Variants in GRXCR1 observed in about 807,000 individuals in gnomAD.
GRXCR1 encodes the protein glutaredoxin and cysteine rich domain containing 1.
In GRXCR1, 27 loss-of-function variants were observed where a neutral mutation model predicts 27.3. That is an observed-to-expected ratio of 0.99 (90% confidence interval 0.73 to 1.37). GRXCR1 has a LOEUF of 1.37. GRXCR1 is among the 40% of genes most tolerant of loss of function. The probability of loss-of-function intolerance (pLI) is 0.00; values close to 1 mark genes in which losing one functional copy is unlikely to be tolerated. For synonymous variants in GRXCR1, 122 were observed against 131.1 expected, an observed-to-expected ratio of 0.93 and a Z score of 0.47; for missense variants, 379 against 354.4, an observed-to-expected ratio of 1.07 and a Z score of -0.56.
intron 2 of GRXCR1, among the ~76,000 whole-genome samples, chr4:42,998,171 A>C (rs1712236183): frequency 6.6e-6 from 1 of 152,132 alleles, no homozygotes; most frequent in Admixed American, 6.6e-5. Context: ...GATAGAGCAA[A>C]GTTTAAAACA....
rs572889335 is a variant in GRXCR1, at chr4:42,911,520, G to C, written c.384+17870G>C. Among the ~76,000 whole-genome samples, 3 of 152,170 alleles carry C rather than the reference G, an allele frequency of 2.0e-5. No individual in the cohort carries two copies. The South Asian group carries it at 6.2e-4, about 32-fold the overall frequency. ...TGGGTGAACAGGAAAATAAGTAGCAGAAAATATATATTCTCTGATATCAGA... is the reference window on the plus strand; with the variant it reads ...TGGGTGAACAGGAAAATAAGTAGCACAAAATATATATTCTCTGATATCAGA... On this transcript the variant is annotated intron_variant, in intron 1 of 3. Coordinates refer to ENST00000399770, the MANE Select transcript of GRXCR1 (RefSeq NM_001080476.3).
chr4:43,030,481 C>T lies in GRXCR1; in HGVS notation c.814C>T (p.Leu272=). Residue 272 remains leucine, a synonymous_variant, in exon 4 of 4, where the codon CTG becomes TTG. Coordinates refer to ENST00000399770, the MANE Select transcript of GRXCR1 (RefSeq NM_001080476.3). ...CTGCTTCACAGACTCTTTCAAAGCC[C>T]TGAAGTGTACGGCTTGCAATGAAAA... ...RNCFTDSFKA[L]KCTACNENGL... is the part of the protein sequence containing the mutation. 6.2e-7 allele frequency: 1 copy of T among 1,614,078 alleles called. No homozygotes were observed. The highest frequency in any genetic ancestry group is 8.5e-7 in the Non-Finnish European group (1 of 1,179,970).
At chr4:42,975,274 T>C (rs2109781671) in intron 2 of GRXCR1, among the ~76,000 whole-genome samples, 1 of 152,264 alleles carries the variant, frequency 6.6e-6, no homozygotes, top group Non-Finnish European at 1.5e-5. Context: ...ATAGTTTTAA[T>C]ATCTGGCTCT....
rs147267707 is a variant in GRXCR1, at chr4:43,024,541, G to A, written c.693+4122G>A. ...TGAAATAAAAACATCTATTTAAGTA[G>A]GTTTATGGCAGTTCATCCCATCTGG... On this transcript the variant is annotated intron_variant, in intron 3 of 3. Coordinates refer to ENST00000399770, the MANE Select transcript of GRXCR1 (RefSeq NM_001080476.3). Among the ~76,000 whole-genome samples, 1,325 of 152,150 alleles carry A rather than the reference G, an allele frequency of 8.7e-3. 23 individuals are homozygous for A. The highest frequency in any genetic ancestry group is 0.031 in the East Asian group (162 of 5,162).
rs189488555 is a variant in GRXCR1, at chr4:43,014,785, T to C, written c.628-5569T>C. ...ACTAAAAGAAACACCCACTTGGAAT[T>C]GAATGCTGTGTTTACTCCAAAAACT... On this transcript the variant is annotated intron_variant, in intron 2 of 3. Transcript: ENST00000399770. 7.1e-4 allele frequency among the ~76,000 whole-genome samples: 108 copies of C among 152,262 alleles called. 1 individual carries two copies. The highest frequency in any genetic ancestry group is 2.5e-3 in the African/African-American group (102 of 41,556).
chr4:42,908,826 AAGG>A (rs1003072669), intron 1 of GRXCR1, among the ~76,000 whole-genome samples: 42 of 152,290 alleles, frequency 2.8e-4, no homozygotes, highest in African/African-American at 9.1e-4. Context: ...AGAAATGAGA[AAGG>A]AGAATATTGG....
chr4:42,984,106 G>C (rs57821511), intron 2 of GRXCR1, among the ~76,000 whole-genome samples: 5,926 of 152,194 alleles, frequency 0.039, 170 homozygotes, highest in East Asian at 0.14. Context: ...AAAGTGCTGG[G>C]ATTACAGGCA....
intron 2 of GRXCR1, among the ~76,000 whole-genome samples, chr4:43,010,668 G>C (rs893014614): frequency 6.6e-6 from 1 of 151,384 alleles, no homozygotes; most frequent in East Asian, 1.9e-4. Context: ...TCCAATAAGA[G>C]ATCACTTATT....
chr4:42,915,770 C>T (rs969952678), intron 1 of GRXCR1, among the ~76,000 whole-genome samples: 8 of 152,154 alleles, frequency 5.3e-5, no homozygotes, highest in African/African-American at 1.7e-4. Context: ...GCTGTGGAGC[C>T]TATGGTTGGA....
chr4:42,905,917 C>T (rs141743899), intron 1 of GRXCR1, among the ~76,000 whole-genome samples: 1 of 152,284 alleles, frequency 6.6e-6, no homozygotes, highest in African/African-American at 2.4e-5. Context: ...GTGCCTGCCA[C>T]ACCATTATCC....
At chr4:43,023,430 C>A (rs1006989045) in intron 3 of GRXCR1, among the ~76,000 whole-genome samples, 1 of 152,190 alleles carries the variant, frequency 6.6e-6, no homozygotes, top group African/African-American at 2.4e-5. Flanking sequence ...AGAATCTTAT[C>A]ATATATCCCA....
intron 1 of GRXCR1, among the ~76,000 whole-genome samples, chr4:42,902,929 C>A (rs999734805): frequency 6.6e-6 from 1 of 152,164 alleles, no homozygotes; most frequent in African/African-American, 2.4e-5. Flanking sequence ...CATTTGTCCC[C>A]AAGGGGTCAT....
chr4:43,018,989 T>C (rs959910303), intron 2 of GRXCR1, among the ~76,000 whole-genome samples: 8 of 152,182 alleles, frequency 5.3e-5, no homozygotes, highest in African/African-American at 1.9e-4. Flanking sequence ...TTTGAATGTA[T>C]CAGTTTGACA....
intron 1 of GRXCR1, among the ~76,000 whole-genome samples, chr4:42,904,781 T>C (rs925928930): frequency 6.6e-6 from 1 of 152,028 alleles, no homozygotes; most frequent in African/African-American, 2.4e-5. Context: ...GGTGCAAAGA[T>C]GAAAAAAGCA....
At chr4:42,946,833 A>G (rs764739002) in intron 1 of GRXCR1, among the ~76,000 whole-genome samples, 4 of 152,206 alleles carry the variant, frequency 2.6e-5, no homozygotes, top group Non-Finnish European at 5.9e-5. Flanking sequence ...GGACACAGTC[A>G]TTTAGACCAA....
chr4:42,899,366 G>T (rs985572114), intron 1 of GRXCR1, among the ~76,000 whole-genome samples: 1 of 152,096 alleles, frequency 6.6e-6, no homozygotes, highest in Non-Finnish European at 1.5e-5. Flanking sequence ...CTGCCTTCAT[G>T]GACTATCCAG....
chr4:43,007,517 A>T (rs1403790932), intron 2 of GRXCR1, among the ~76,000 whole-genome samples: 3 of 152,230 alleles, frequency 2.0e-5, no homozygotes, highest in African/African-American at 7.2e-5. Flanking sequence ...CTAAAAGATC[A>T]TTCCGGCCTC....
chr4:42,996,780 T>TG (rs943787535), intron 2 of GRXCR1, among the ~76,000 whole-genome samples: 3 of 152,000 alleles, frequency 2.0e-5, no homozygotes, highest in African/African-American at 7.2e-5. Context: ...AATAACATCC[T>TG]GACAAAATAA....
intron 1 of GRXCR1, among the ~76,000 whole-genome samples, chr4:42,943,179 A>T (rs892275853): frequency 4.6e-5 from 7 of 152,154 alleles, no homozygotes; most frequent in African/African-American, 1.7e-4. Flanking sequence ...AAAAAATAAC[A>T]CATATAGGTA....
Sources: gnomAD v4.1 joint callset for allele counts (sites outside exome capture counted in the v4.1 genomes callset) on GRCh38, gnomAD v4.1.1 for gene constraint, MANE v1.5 for transcripts, NCBI Gene and HGNC (gene_info 2026-07-23, HGNC 2026-07-21) for gene names.